SPTBN2: variants seen among roughly 807,000 people sequenced by gnomAD.
SPTBN2 encodes the protein spectrin beta chain, non-erythrocytic 2.
Under a neutral mutation model 284.2 loss-of-function variants are expected in SPTBN2, and 107 were observed. The observed-to-expected ratio is 0.38, with a 90% confidence interval of 0.32 to 0.44. The LOEUF (loss-of-function observed/expected upper bound fraction) is 0.44, where lower values mean the gene tolerates loss of function less well. Among genes scored for constraint, SPTBN2 ranks in the 20% least tolerant of loss-of-function variants. The pLI, the probability that SPTBN2 is intolerant of heterozygous loss-of-function variation, is 1.00. For missense variants in SPTBN2, 2,569 were observed against 3,287.1 expected (o/e 0.78, Z 5.34); for synonymous variants, 1,289 against 1,354.8 (o/e 0.95, Z 1.07).
intron 1 of SPTBN2, among the ~76,000 whole-genome samples, chr11:66,741,788 C>T (rs1398483846): frequency 6.6e-6 from 1 of 152,130 alleles, no homozygotes; most frequent in Non-Finnish European, 1.5e-5. Context: ...TTCTAGTGTT[C>T]TGAGGATGAG....
intron 8 of SPTBN2, among the ~76,000 whole-genome samples, chr11:66,711,821 G>A (rs1941879188): frequency 6.6e-6 from 1 of 152,216 alleles, no homozygotes; most frequent in Admixed American, 6.5e-5. Context: ...ATGCTACCCA[G>A]AGGCTCTCCA....
At position 66,708,616 on chromosome 11, in the gene SPTBN2, G is replaced by A. The variant is rs1941693290; in HGVS notation, c.1191+286C>T. ...TGTGAAAAAAATAAAAGAAGGGATA[G>A]TGAGTTGGGGACAGGTTTAACAAGC... On this transcript the variant is annotated intron_variant, in intron 11 of 37. Coordinates refer to ENST00000533211, the MANE Select transcript of SPTBN2 (RefSeq NM_006946.4). The surrounding 1 kb of genome is among the most constrained non-coding windows in gnomAD (Gnocchi z 4.4). Among the ~76,000 whole-genome samples, 2 of 152,212 alleles carry A rather than the reference G, an allele frequency of 1.3e-5. No individual in the cohort carries two copies. Among genetic ancestry groups the A allele is most frequent in the African/African-American group, 4.8e-5 (2 of 41,450 alleles).
chr11:66,715,972 T>C lies in SPTBN2; in HGVS notation c.167A>G (p.Glu56Gly). The stretch of plus-strand genomic sequence containing the variant: ...GGTGAAGGTTTTCTTCTGCACAGCT[T>C]CTCGTTCATCTGTGGTGGCAACATG... ...SRIKALADEREAVQKKTFTKW... is the reference protein window; with the variant it reads ...SRIKALADERGAVQKKTFTKW... The change falls in exon 4 of 38, where the codon GAA (glutamate) becomes GGA (glycine). Residue 56 changes from glutamate (E) to glycine (G), a missense_variant. This residue lies in a region of SPTBN2 where 304 missense variants were observed against 522.1 expected (regional missense o/e 0.58). Coordinates refer to ENST00000533211, the MANE Select transcript of SPTBN2 (RefSeq NM_006946.4). The surrounding 1 kb of genome is among the most constrained non-coding windows in gnomAD (Gnocchi z 5.3). 1 of 1,613,898 alleles carries C rather than the reference T, an allele frequency of 6.2e-7. No homozygotes were observed. The highest frequency in any genetic ancestry group is 8.5e-7 in the Non-Finnish European group (1 of 1,180,004).
intron 1 of SPTBN2, among the ~76,000 whole-genome samples, chr11:66,738,539 C>T (rs959962556): frequency 2.6e-5 from 4 of 152,124 alleles, no homozygotes; most frequent in Non-Finnish European, 5.9e-5. Flanking sequence ...ATTTTTGAGA[C>T]GAAGTCTCTC....
In SPTBN2 at chr11:66,710,573, G is replaced by A. The variant is rs200132890; in HGVS notation, c.1073+9C>T. The A allele has an allele frequency of 6.2e-6, 10 of 1,612,902 alleles. No homozygotes were observed. The East Asian group carries it at 2.2e-4, about 36-fold the overall frequency. On this transcript the variant is annotated intron_variant, in intron 10 of 37. Transcript: ENST00000533211. The surrounding 1 kb of genome is among the most constrained non-coding windows in gnomAD (Gnocchi z 4.9). Reference sequence around the variant, plus strand: ...GCTCAGGGAAGGGTGGGGCCCCAGGGACACCTACTTGGGCGGCTTCTCCAC... The same window carrying A: ...GCTCAGGGAAGGGTGGGGCCCCAGGAACACCTACTTGGGCGGCTTCTCCAC...
Position 66,701,156 on chromosome 11 carries a change from G to A in SPTBN2, c.2943C>T (p.Ile981=), listed in dbSNP as rs139352096. Residue 981 remains isoleucine (I), a synonymous_variant, in exon 17 of 38, where the codon ATC becomes ATT. Transcript: ENST00000533211. ...CGTTGCCTAGGCCCTGGGTGGACTC[G>A]ATGACTTTGGTCTTCTCTCTCATCC... ...QAWMREKTKV[I]ESTQGLGNDL... is the part of the protein sequence containing the mutation. 15 of 1,613,018 alleles carry A rather than the reference G, an allele frequency of 9.3e-6. No individual in the cohort carries two copies. Among genetic ancestry groups the A allele is most frequent in the South Asian group, 2.2e-5 (2 of 91,090 alleles).
rs1361640008 is a variant in SPTBN2 at position 66,715,218 on chromosome 11, G to A, written c.483+4C>T. The A allele has an allele frequency of 1.2e-6, 2 of 1,614,110 alleles. No homozygotes were observed. Among genetic ancestry groups the A allele is most frequent in the African/African-American group, 1.3e-5 (1 of 74,936 alleles). Reference sequence around the variant, plus strand: ...ACACCCTGTGTGACAGTGTGCTGGGGTACCTGGAATCGAAGGATGATGGTC... The same window carrying A: ...ACACCCTGTGTGACAGTGTGCTGGGATACCTGGAATCGAAGGATGATGGTC... On this transcript the variant is annotated splice_donor_region_variant and intron_variant, in intron 5 of 37. Coordinates refer to ENST00000533211, the MANE Select transcript of SPTBN2 (RefSeq NM_006946.4). This position sits in a 1 kb window ranked among gnomAD's most constrained non-coding sequence, Gnocchi z 5.3.
intron 30 of SPTBN2, 55 bp downstream of exon 30, chr11:66,689,039 CAG>C: frequency 6.4e-7 from 1 of 1,552,348 alleles, no homozygotes; most frequent in Non-Finnish European, 8.8e-7. Context: ...CTGGAACCCA[CAG>C]GGTGCAGGAT....
In SPTBN2 at chr11:66,687,602, G is replaced by C. The variant is rs760467359; in HGVS notation, c.6547C>G (p.Gln2183Glu). The C allele has an allele frequency of 8.1e-6, 13 of 1,608,608 alleles. No individual in the cohort carries two copies. Among genetic ancestry groups the C allele is most frequent in the African/African-American group, 2.7e-5 (2 of 74,848 alleles). The change falls in exon 35 of 38, where the codon CAG becomes GAG. Residue 2183 changes from glutamine (Q) to glutamate (E), a missense_variant. This residue lies in a region of SPTBN2 where 1,130 missense variants were observed against 1,317.3 expected (regional missense o/e 0.86). Transcript: ENST00000533211. This position sits in a 1 kb window ranked among gnomAD's most constrained non-coding sequence, Gnocchi z 5.2. ...DEANGPRGER[Q>E]TRTRGPAPSA... ...GGGGCCGGGCCCCGAGTCCGGGTCT[G>C]CCTCTCTCCCCGGGGCCCATTGGCT... is the stretch of plus-strand genomic sequence containing the variant.
intron 10 of SPTBN2, 82 bp from the exon 11 acceptor site, chr11:66,709,101 T>G (rs1941722612): frequency 8.7e-7 from 1 of 1,143,766 alleles, no homozygotes; most frequent in South Asian, 1.2e-5. Context: ...ATGGGTGTCC[T>G]GTGTTGCTTT....
chr11:66,690,178 G>C lies in SPTBN2; in HGVS notation c.5671C>G (p.Gln1891Glu). 1 of 1,614,088 alleles carries C rather than the reference G, an allele frequency of 6.2e-7. No homozygotes were observed. The highest frequency in any genetic ancestry group is 8.5e-7 in the Non-Finnish European group (1 of 1,180,022). Reference sequence around the variant, plus strand: ...CGGGCGGCAGAGCTTCCCTGAAGCTGGGCCCAGGCCTCGGCCACGGCCTGC... The same window carrying C: ...CGGGCGGCAGAGCTTCCCTGAAGCTCGGCCCAGGCCTCGGCCACGGCCTGC... ...HMQAVAEAWA[Q>E]LQGSSAARRQ... The change falls in exon 28 of 38, where the codon CAG becomes GAG. Residue 1891 changes from glutamine (Q) to glutamate (E), a missense_variant. By Grantham distance (29) the Gln-to-Glu change is conservative. This residue lies in a region of SPTBN2 where 1,130 missense variants were observed against 1,317.3 expected (regional missense o/e 0.86). Transcript: ENST00000533211.
chr11:66,713,829 C>G (rs1942006667), intron 7 of SPTBN2, 83 bp from the exon 8 acceptor site: 9 of 1,232,322 alleles, frequency 7.3e-6, no homozygotes, highest in Non-Finnish European at 1.1e-5. Context: ...ATCTTTATCC[C>G]TAAGTCACCG....
upstream of SPTBN2, among the ~76,000 whole-genome samples, chr11:66,732,735 G>T (rs1942822483): frequency 6.6e-6 from 1 of 151,602 alleles, no homozygotes; most frequent in Non-Finnish European, 1.5e-5. Flanking sequence ...GGAGGCTGAG[G>T]CAGGTGGATC....
Position 66,689,887 on chromosome 11 carries a change from A to G in SPTBN2, c.5867T>C (p.Ile1956Thr), listed in dbSNP as rs1340966009. The G allele has an allele frequency of 6.2e-7, 1 of 1,614,086 alleles. No individual in the cohort carries two copies. Among genetic ancestry groups the G allele is most frequent in the Admixed American group, 1.7e-5 (1 of 60,016 alleles). The change falls in exon 29 of 38, where the codon ATA becomes ACA. Residue 1956 changes from isoleucine (I) to threonine (T), a missense_variant. Around this residue, in one of 6 missense-constraint regions of SPTBN2, gnomAD observed 1,130 missense variants for 1,317.3 expected, o/e 0.86. Transcript: ENST00000533211. The part of the protein sequence containing the change: ...IKNQQGIKAE[I>T]EARADRFSSC... ...GGAGAAGCGGTCTGCCCGGGCCTCT[A>G]TCTCTGCCTTGATGCCTTGCTGGTT... is the stretch of plus-strand genomic sequence containing the variant.
chr11:66,726,417 T>C (rs1157671223), intron 1 of SPTBN2, among the ~76,000 whole-genome samples: 2 of 152,214 alleles, frequency 1.3e-5, no homozygotes, highest in Admixed American at 1.3e-4. Context: ...TTCTAACCTG[T>C]TCCCGGGTGA....
chr11:66,725,989 G>A (rs1399442297), intron 1 of SPTBN2, among the ~76,000 whole-genome samples: 1 of 152,162 alleles, frequency 6.6e-6, no homozygotes, highest in African/African-American at 2.4e-5. Flanking sequence ...CATGCAGCTA[G>A]TATTGTACTT....
In SPTBN2 at chr11:66,687,457, A is replaced by G; in HGVS notation, c.6692T>C (p.Met2231Thr). The G allele has an allele frequency of 6.2e-7, 1 of 1,608,792 alleles. No homozygotes were observed. The highest frequency in any genetic ancestry group is 8.5e-7 in the Non-Finnish European group (1 of 1,179,966). ...MEGMLCRKQE[M>T]EAFGKKAANR... The stretch of plus-strand genomic sequence containing the variant: ...GGCAGCCTTCTTCCCGAAGGCCTCC[A>G]TCTCCTGCTTGCGGCACAGCATCCC... Residue 2231 changes from methionine (M) to threonine (T), a missense_variant, in exon 35 of 38, where the codon ATG becomes ACG. Physicochemically the swap from Met to Thr is moderately conservative, Grantham distance 81. Around this residue, in one of 6 missense-constraint regions of SPTBN2, gnomAD observed 1,130 missense variants for 1,317.3 expected, o/e 0.86. Transcript: ENST00000533211. The surrounding 1 kb of genome is among the most constrained non-coding windows in gnomAD (Gnocchi z 5.2).
chr11:66,711,137 C>T (rs1006939504), intron 8 of SPTBN2, 108 bp from the exon 9 acceptor site: 48 of 867,320 alleles, frequency 5.5e-5, no homozygotes, highest in Non-Finnish European at 8.4e-5. Flanking sequence ...GACATCTCTC[C>T]ATCTCCTTTT....
chr11:66,723,366 C>G (rs776260224), intron 1 of SPTBN2, among the ~76,000 whole-genome samples: 12 of 152,174 alleles, frequency 7.9e-5, no homozygotes, highest in Non-Finnish European at 1.8e-4. Flanking sequence ...TCTCGGTAGT[C>G]TCGGGTTCTG....
Sources: allele counts gnomAD v4.1 joint callset (sites outside exome capture counted in the v4.1 genomes callset), GRCh38; gene constraint gnomAD v4.1.1; regional missense constraint gnomAD v4.1.1; non-coding constraint Gnocchi (gnomAD v3.1); transcripts MANE v1.5; gene names NCBI Gene and HGNC (gene_info 2026-07-23, HGNC 2026-07-21).